MYO1D: variants seen among roughly 807,000 people sequenced by gnomAD.
MYO1D encodes the protein unconventional myosin-Id.
Under a neutral mutation model 122.0 loss-of-function variants are expected in MYO1D, and 83 were observed. That is an observed-to-expected ratio of 0.68 (90% confidence interval 0.57 to 0.82). The LOEUF (loss-of-function observed/expected upper bound fraction) is 0.82. Ranked by LOEUF, MYO1D falls within the 40% of genes least tolerant of loss-of-function variation. The pLI is 0.00. For missense variants in MYO1D, 1,157 were observed against 1,269.5 expected, an observed-to-expected ratio of 0.91 and a Z score of 1.35; for synonymous variants, 464 against 446.9, an observed-to-expected ratio of 1.04 and a Z score of -0.48.
chr17:32,529,393 G>A (rs1910443458), intron 21 of MYO1D, among the ~76,000 whole-genome samples: 1 of 151,728 alleles, frequency 6.6e-6, no homozygotes, highest in Non-Finnish European at 1.5e-5. Context: ...CACCAGAAAA[G>A]GGGCGGGTGG....
At chr17:32,553,477 A>G (rs1340529860) in intron 21 of MYO1D, among the ~76,000 whole-genome samples, 4 of 152,194 alleles carry the variant, frequency 2.6e-5, no homozygotes, top group Non-Finnish European at 5.9e-5. Context: ...TGGACCTGAC[A>G]TAGAATAGGA....
chr17:32,743,469 T>C (rs2089795166), intron 13 of MYO1D, among the ~76,000 whole-genome samples: 1 of 152,192 alleles, frequency 6.6e-6, no homozygotes, highest in South Asian at 2.1e-4. Context: ...TCACCTTTGA[T>C]TTCCGTCTTC....
intron 14 of MYO1D, among the ~76,000 whole-genome samples, chr17:32,726,571 GAT>G (rs2089576238): frequency 6.7e-6 from 1 of 149,576 alleles, no homozygotes; most frequent in Admixed American, 6.7e-5. Flanking sequence ...AATCTAAATA[GAT>G]ATATATTATA....
intron 16 of MYO1D, among the ~76,000 whole-genome samples, chr17:32,698,091 T>G (rs1363043047): frequency 6.6e-6 from 1 of 152,214 alleles, no homozygotes; most frequent in African/African-American, 2.4e-5. Context: ...TTTAGCTCCC[T>G]TATCTATTAA....
At chr17:32,601,437 A>C (rs1434020510) in intron 21 of MYO1D, among the ~76,000 whole-genome samples, 1 of 152,226 alleles carries the variant, frequency 6.6e-6, no homozygotes, top group South Asian at 2.1e-4. Context: ...TGATCAGTTA[A>C]GTCTGTTGTC....
At position 32,767,640 on chromosome 17, in the gene MYO1D, T is replaced by C. The variant is rs1036666036; in HGVS notation, c.827A>G (p.His276Arg). The change falls in exon 7 of 22, where the codon CAC becomes CGC. Residue 276 changes from histidine to arginine, a missense_variant. His to Arg is a conservative substitution (Grantham distance 29). Transcript: ENST00000318217. ...TVYKILAAIL[H>R]LGNLKFVVDG... ...CTGAGAGGTGTCCCTACTCACCAAG[T>C]GCAGAATAGCAGCCAAAATCTTATA... 1.3e-6 allele frequency: 2 copies of C among 1,598,432 alleles called. No individual in the cohort carries two copies. The highest frequency in any genetic ancestry group is 1.7e-6 in the Non-Finnish European group (2 of 1,166,406).
intron 21 of MYO1D, among the ~76,000 whole-genome samples, chr17:32,599,840 A>G (rs572453288): frequency 6.7e-4 from 102 of 152,316 alleles, no homozygotes; most frequent in African/African-American, 2.4e-3. Flanking sequence ...TTTAGTAGAG[A>G]CAGGGTTTCA....
chr17:32,711,690 AAACACAGTT>A (rs2089378909), intron 16 of MYO1D, among the ~76,000 whole-genome samples: 1 of 152,138 alleles, frequency 6.6e-6, no homozygotes, highest in African/African-American at 2.4e-5. Context: ...CTGAAGGAAA[AAACACAGTT>A]AACAGTAAAG....
intron 21 of MYO1D, among the ~76,000 whole-genome samples, chr17:32,579,115 C>T (rs114048662): frequency 7.2e-5 from 11 of 152,196 alleles, no homozygotes; most frequent in African/African-American, 2.2e-4. Context: ...GTCACCCAGG[C>T]GAGAGTGCGG....
chr17:32,763,882 T>C (rs1221211547), intron 8 of MYO1D, among the ~76,000 whole-genome samples: 2 of 152,186 alleles, frequency 1.3e-5, no homozygotes, highest in Non-Finnish European at 2.9e-5. Context: ...ATTGTGCCAC[T>C]GCACTCCAGC....
intron 5 of MYO1D, among the ~76,000 whole-genome samples, chr17:32,772,121 ACT>A (rs1171397468): frequency 3.3e-5 from 5 of 152,230 alleles, no homozygotes; most frequent in African/African-American, 1.2e-4. Flanking sequence ...CCGTTCAGTT[ACT>A]TTCTGTTAAC....
intron 21 of MYO1D, among the ~76,000 whole-genome samples, chr17:32,535,163 A>G (rs1202281791): frequency 6.6e-6 from 1 of 152,186 alleles, no homozygotes; most frequent in Non-Finnish European, 1.5e-5. Flanking sequence ...GTTCTTTTTC[A>G]GTCTTAATTA....
chr17:32,524,376 AAC>A (rs1311277754), intron 21 of MYO1D, among the ~76,000 whole-genome samples: 1 of 152,096 alleles, frequency 6.6e-6, no homozygotes, highest in African/African-American at 2.4e-5. Context: ...GGAAAAAATG[AAC>A]TTACATTTCA....
chr17:32,805,741 T>C (rs567181051), intron 1 of MYO1D, among the ~76,000 whole-genome samples: 203 of 152,302 alleles, frequency 1.3e-3, no homozygotes, highest in Non-Finnish European at 2.3e-3. Context: ...AGGCAGCTCA[T>C]TCAGGTTGGG....
chr17:32,706,255 C>T (rs767623834), intron 16 of MYO1D, among the ~76,000 whole-genome samples: 4 of 151,972 alleles, frequency 2.6e-5, no homozygotes, highest in Admixed American at 6.5e-5. Flanking sequence ...TATAGGTGCA[C>T]GCTACCACAG....
intron 20 of MYO1D, among the ~76,000 whole-genome samples, chr17:32,637,670 A>AAAAT (rs1470277214): frequency 2.0e-5 from 3 of 152,182 alleles, no homozygotes; most frequent in Non-Finnish European, 4.4e-5. Context: ...AACTGTCTAA[A>AAAAT]AAATAAATAA....
chr17:32,554,385 C>G (rs2087049876), intron 21 of MYO1D, among the ~76,000 whole-genome samples: 1 of 152,222 alleles, frequency 6.6e-6, no homozygotes, highest in East Asian at 1.9e-4. Context: ...ATACCAGTTC[C>G]TTCCCCTCTG....
chr17:32,672,957 C>T (rs915046716), intron 16 of MYO1D, among the ~76,000 whole-genome samples: 1 of 151,676 alleles, frequency 6.6e-6, no homozygotes, highest in African/African-American at 2.4e-5. Flanking sequence ...TGGTTTGTTG[C>T]CAAACTATAT....
At chr17:32,825,950 G>A (rs2090718222) in intron 1 of MYO1D, among the ~76,000 whole-genome samples, 1 of 151,146 alleles carries the variant, frequency 6.6e-6, no homozygotes, top group African/African-American at 2.4e-5. Context: ...CTGGGAGGCT[G>A]AGGCAGGAGG....
Sources: gnomAD v4.1 joint callset for allele counts (sites outside exome capture counted in the v4.1 genomes callset) on GRCh38, gnomAD v4.1.1 for gene constraint, MANE v1.5 for transcripts, NCBI Gene and HGNC (gene_info 2026-07-23, HGNC 2026-07-21) for gene names.